The following CLEC2D variants were observed in gnomAD, a reference collection of about 807,000 sequenced individuals.
CLEC2D encodes C-type lectin domain family 2 member D.
In CLEC2D, 16 loss-of-function variants were observed where a neutral mutation model predicts 20.0. The ratio of observed to expected loss-of-function variants is 0.80; its 90% confidence interval spans 0.54 to 1.22. The LOEUF (loss-of-function observed/expected upper bound fraction) is 1.22. Ranked by LOEUF, CLEC2D falls within the 50% of genes most tolerant of loss-of-function variation. CLEC2D has a pLI of 0.00. For synonymous variants in CLEC2D, 77 were observed against 71.1 expected, an observed-to-expected ratio of 1.08 and a Z score of -0.42; for missense variants, 207 against 221.5, an observed-to-expected ratio of 0.93 and a Z score of 0.42.
chr12:9,670,180 T>C (rs1337864233), intron 1 of CLEC2D, among the ~76,000 whole-genome samples: 3 of 151,972 alleles, frequency 2.0e-5, no homozygotes, highest in South Asian at 4.1e-4. Context: ...AGGTAGAAAA[T>C]AGTATGTAAA....
Position 9,696,559 on chromosome 12 carries a change from AAAAAG to A in CLEC2D, c.*1686_*1690del. ...GTATTTTAATAAAGTAAAAAAAAAA[AAAAAG>A]GTATGGGGAAAACTGCCCCCATAAA... On this transcript the variant is annotated 3_prime_UTR_variant, in exon 5 of 5. Coordinates refer to ENST00000290855, the MANE Select transcript of CLEC2D (RefSeq NM_013269.6). The A allele has an allele frequency of 4.8e-6, 1 of 208,654 alleles. No individual in the cohort carries two copies. Among genetic ancestry groups the A allele is most frequent in the East Asian group, 8.3e-5 (1 of 12,042 alleles). 12.9% of individuals were successfully genotyped at this position (208,654 alleles called of 1,614,324 possible). A position where few individuals can be genotyped will look rare whatever the true frequency, so the allele number is the denominator to read the frequency against.
Position 9,679,342 on chromosome 12 carries a change from T to A in CLEC2D, c.62-1581T>A, listed in dbSNP as rs1865586912. On this transcript the variant is annotated intron_variant, in intron 1 of 4. Coordinates refer to ENST00000290855, the MANE Select transcript of CLEC2D (RefSeq NM_013269.6). ...CCTTTTAAAATAATTGCATTTAACT[T>A]TTTTGTTTTTTGATATAAGACAAGT... Among the ~76,000 whole-genome samples the A allele has an allele frequency of 2.0e-5, 3 of 152,238 alleles. No individual in the cohort carries two copies. In the South Asian group the frequency reaches 6.2e-4, roughly 32 times the overall value.
intron 1 of CLEC2D, among the ~76,000 whole-genome samples, chr12:9,680,655 T>C (rs1378809852): frequency 6.6e-6 from 1 of 152,222 alleles, no homozygotes; most frequent in Non-Finnish European, 1.5e-5. Context: ...TTTTGTTGAT[T>C]TCATTCCTGT....
At chr12:9,670,456 A>C (rs769898679) in intron 1 of CLEC2D, among the ~76,000 whole-genome samples, 1 of 152,166 alleles carries the variant, frequency 6.6e-6, no homozygotes, top group Non-Finnish European at 1.5e-5. Context: ...AAAAAGATGA[A>C]CTCTAAATGT....
At chr12:9,671,322 C>G (rs1245492834) in intron 1 of CLEC2D, among the ~76,000 whole-genome samples, 1 of 152,174 alleles carries the variant, frequency 6.6e-6, no homozygotes, top group African/African-American at 2.4e-5. Context: ...CTCCTGGGTT[C>G]ACGCCATTCT....
intron 1 of CLEC2D, among the ~76,000 whole-genome samples, chr12:9,675,474 G>A (rs1003430387): frequency 5.9e-5 from 9 of 152,280 alleles, no homozygotes; most frequent in African/African-American, 9.6e-5. Context: ...GATTACAGGC[G>A]TGAGCCACCG....
intron 1 of CLEC2D, among the ~76,000 whole-genome samples, chr12:9,677,108 C>A (rs1865532891): frequency 6.6e-6 from 1 of 151,592 alleles, no homozygotes; most frequent in Admixed American, 6.6e-5. Context: ...ATCAGTGTCC[C>A]ATTTTTTATT....
chr12:9,684,792 T>C (rs1036862605), intron 2 of CLEC2D, among the ~76,000 whole-genome samples: 47 of 152,182 alleles, frequency 3.1e-4, no homozygotes, highest in Non-Finnish European at 1.3e-4. Context: ...CAGTATTTTA[T>C]TGAGGATTTT....
In CLEC2D at chr12:9,695,089, C is replaced by A; in HGVS notation, c.*215C>A. On this transcript the variant is annotated 3_prime_UTR_variant, in exon 5 of 5. Transcript: ENST00000290855. Reference sequence around the variant, plus strand: ...CTGTTCTCCCACTGCTAATGACATACCCGAGACTGAGTAATTTATAAATAA... The same window carrying A: ...CTGTTCTCCCACTGCTAATGACATAACCGAGACTGAGTAATTTATAAATAA... The A allele has an allele frequency of 1.7e-6, 1 of 577,394 alleles. No homozygotes were observed. Among genetic ancestry groups the A allele is most frequent in the Non-Finnish European group, 3.1e-6 (1 of 324,096 alleles). 35.8% of individuals were successfully genotyped at this position (577,394 alleles called of 1,614,324 possible). A position where few individuals can be genotyped will look rare whatever the true frequency, so the allele number is the denominator to read the frequency against.
At position 9,680,996 on chromosome 12, in the gene CLEC2D, G is replaced by T; in HGVS notation, c.135G>T (p.Leu45=). 6.2e-7 allele frequency: 1 copy of T among 1,602,822 alleles called. No homozygotes were observed. The highest frequency in any genetic ancestry group is 8.5e-7 in the Non-Finnish European group (1 of 1,170,710). ...IWRLFFLIMF[L]TIIVCGMVAA... ...GCTTATTTTTCTTAATCATGTTTCT[G>T]ACAATCATAGTGTGTGGAATGGTTG... Residue 45 remains leucine, a synonymous_variant, in exon 2 of 5, where the codon CTG becomes CTT. Transcript: ENST00000290855.
chr12:9,693,386 G>A (rs1865908245), intron 4 of CLEC2D: 5 of 295,166 alleles, frequency 1.7e-5, no homozygotes, highest in Middle Eastern at 1.0e-3. Context: ...TTTGGCACTA[G>A]AAAATTTAAT....
rs114600778 is a variant in CLEC2D at position 9,672,450 on chromosome 12, C to A, written c.61+2655C>A. Among the ~76,000 whole-genome samples the A allele has an allele frequency of 9.3e-3, 1,418 of 152,312 alleles. 16 individuals are homozygous for A. Among genetic ancestry groups the A allele is most frequent in the African/African-American group, 0.029 (1,204 of 41,558 alleles). On this transcript the variant is annotated intron_variant, in intron 1 of 4. Coordinates refer to ENST00000290855, the MANE Select transcript of CLEC2D (RefSeq NM_013269.6). ...TATTGTAGCACTCAAAATTCATAATCTGATGGACTTCCCTTTGTCAGTGAC... is the reference window on the plus strand; with the variant it reads ...TATTGTAGCACTCAAAATTCATAATATGATGGACTTCCCTTTGTCAGTGAC...
chr12:9,682,849 A>G (rs1017365381), intron 2 of CLEC2D, among the ~76,000 whole-genome samples: 1 of 152,184 alleles, frequency 6.6e-6, no homozygotes, highest in Non-Finnish European at 1.5e-5. Context: ...GTGTCTTTAT[A>G]GTAGAATGAT....
In CLEC2D at chr12:9,677,246, A is replaced by G. The variant is rs1323595405; in HGVS notation, c.62-3677A>G. Among the ~76,000 whole-genome samples, 6 of 152,218 alleles carry G rather than the reference A, an allele frequency of 3.9e-5. No individual in the cohort carries two copies. The East Asian group carries it at 5.8e-4, about 15-fold the overall frequency. On this transcript the variant is annotated intron_variant, in intron 1 of 4. Coordinates refer to ENST00000290855, the MANE Select transcript of CLEC2D (RefSeq NM_013269.6). ...TATTTTTTTCTAATAGATGCATTCA[A>G]TACTATCAATTTCTCTTTAAACAAT... is the stretch of plus-strand genomic sequence containing the variant.
In CLEC2D at chr12:9,695,882, A is replaced by G. The variant is rs758834714; in HGVS notation, c.*1008A>G. On this transcript the variant is annotated 3_prime_UTR_variant, in exon 5 of 5. Transcript: ENST00000290855. ...GATGATGATGATGATGAAGATGATG[A>G]TGATGATGATGACGAGGAAGCTGAA... is the stretch of plus-strand genomic sequence containing the variant. 1,316 of 1,075,024 alleles carry G rather than the reference A, an allele frequency of 1.2e-3. 7 individuals are homozygous for G. The highest frequency in any genetic ancestry group is 4.8e-3 in the East Asian group (205 of 42,518). The allele number at this position is 1,075,024 out of a possible 1,614,324, so 66.6% of individuals were successfully genotyped here. A position where few individuals can be genotyped will look rare whatever the true frequency, so the allele number is the denominator to read the frequency against.
chr12:9,679,363 C>G (rs11052372), intron 1 of CLEC2D, among the ~76,000 whole-genome samples: 41,948 of 151,870 alleles, frequency 0.28, 6,368 homozygotes, highest in Middle Eastern at 0.42. Context: ...TGATATAAGA[C>G]AAGTCTACTG....
At chr12:9,676,710 C>T (rs1196663616) in intron 1 of CLEC2D, among the ~76,000 whole-genome samples, 6 of 152,204 alleles carry the variant, frequency 3.9e-5, no homozygotes, top group Admixed American at 3.3e-4. Context: ...AGTATTCTCT[C>T]GGCTCTAACT....
chr12:9,699,450 T>C lies in CLEC2D; in HGVS notation c.*4576T>C, dbSNP rs1399706656. ...TTCAAGCTTGAGTAATGTTCATGCCTGCTTTTCATTGAAATAGAATGAAAA... is the reference window on the plus strand; with the variant it reads ...TTCAAGCTTGAGTAATGTTCATGCCCGCTTTTCATTGAAATAGAATGAAAA... On this transcript the variant is annotated 3_prime_UTR_variant, in exon 5 of 5. Transcript: ENST00000290855. 1 of 152,226 alleles carries C rather than the reference T, an allele frequency of 6.6e-6. No individual in the cohort carries two copies. Among genetic ancestry groups the C allele is most frequent in the Non-Finnish European group, 1.5e-5 (1 of 68,028 alleles). 9.4% of individuals were successfully genotyped at this position (152,226 alleles called of 1,614,324 possible).
intron 1 of CLEC2D, among the ~76,000 whole-genome samples, chr12:9,680,477 T>G (rs1318361770): frequency 6.6e-6 from 1 of 152,220 alleles, no homozygotes; most frequent in Non-Finnish European, 1.5e-5. Context: ...ATTTGACCTC[T>G]ACAATAATCA....
Sources: allele counts gnomAD v4.1 joint callset (sites outside exome capture counted in the v4.1 genomes callset), GRCh38; gene constraint gnomAD v4.1.1; transcripts MANE v1.5; gene names NCBI Gene and HGNC (gene_info 2026-07-23, HGNC 2026-07-21).